The following RASGEF1C variants were observed in gnomAD, a reference collection of about 807,000 sequenced individuals.
RASGEF1C encodes ras-GEF domain-containing family member 1C.
A neutral mutation model predicts 58.1 loss-of-function variants in RASGEF1C; 27 were observed. That is an observed-to-expected ratio of 0.46 (90% CI 0.34 to 0.64). The LOEUF (loss-of-function observed/expected upper bound fraction) is 0.64, where lower values mean the gene tolerates loss of function less well. Ranked by LOEUF, RASGEF1C falls within the 30% of genes least tolerant of loss-of-function variation. RASGEF1C has a pLI of 0.01. For synonymous variants in RASGEF1C, 243 were observed against 246.3 expected (o/e 0.99, Z 0.13); for missense variants, 502 against 605.1 (o/e 0.83, Z 1.79).
rs578247912 is a variant in RASGEF1C, at chr5:180,142,112, GC to G, written c.-6-4055del. On this transcript the variant is annotated intron_variant, in intron 1 of 13. Transcript: ENST00000361132. ...GGAGTCTTGGGGGCTGCATAGATGG[GC>G]TGTCAGCATGAGGGGCTCAGCATGG... Among the ~76,000 whole-genome samples the G allele has an allele frequency of 2.3e-3, 345 of 152,256 alleles. 3 individuals are homozygous for G. The highest frequency in any genetic ancestry group is 7.9e-3 in the African/African-American group (328 of 41,546).
intron 1 of RASGEF1C, among the ~76,000 whole-genome samples, chr5:180,191,612 T>C (rs1025507160): frequency 6.6e-6 from 1 of 152,156 alleles, no homozygotes; most frequent in African/African-American, 2.4e-5. Flanking sequence ...CGCCTCAGCC[T>C]CCCAAAGTGC....
At chr5:180,128,703 G>T in intron 4 of RASGEF1C, 93 bp from the exon 5 acceptor site, 1 of 1,278,784 alleles carries the variant, frequency 7.8e-7, no homozygotes, top group Middle Eastern at 1.9e-4. Context: ...CCAAAGGGAG[G>T]GTCTTTTCCT....
intron 4 of RASGEF1C, chr5:180,135,204 G>A (rs1176922568): frequency 6.6e-6 from 1 of 152,208 alleles, no homozygotes; most frequent in Admixed American, 6.6e-5. Flanking sequence ...GGAGGAAGAG[G>A]AAACCACTCT....
chr5:180,169,791 C>T (rs1047290528), intron 1 of RASGEF1C, among the ~76,000 whole-genome samples: 3 of 125,258 alleles, frequency 2.4e-5, no homozygotes, highest in Non-Finnish European at 5.8e-5. Context: ...ACCCACCCCC[C>T]GACCCCATGG....
chr5:180,113,382 G>C (rs1245050330), intron 11 of RASGEF1C, among the ~76,000 whole-genome samples: 2 of 53,528 alleles, frequency 3.7e-5, no homozygotes, highest in African/African-American at 7.5e-5. Flanking sequence ...CGGAGGGACC[G>C]GGGATGGACG....
chr5:180,193,602 A>G (rs1756208045), intron 1 of RASGEF1C, among the ~76,000 whole-genome samples: 1 of 152,210 alleles, frequency 6.6e-6, no homozygotes, highest in African/African-American at 2.4e-5. Flanking sequence ...AAGACCAAAA[A>G]ACAAATAAAA....
chr5:180,136,527 C>T lies in RASGEF1C; in HGVS notation c.301-12G>A, dbSNP rs1189457362. ...TTCCGGACCCGGGCCTACGGGCAAG[C>T]GAGGGGCACCGCGCTCGTGAGGGGC... On this transcript the variant is annotated splice_polypyrimidine_tract_variant and intron_variant, in intron 3 of 13. Transcript: ENST00000361132. 2.5e-5 allele frequency: 39 copies of T among 1,568,512 alleles called. No individual in the cohort carries two copies. The highest frequency in any genetic ancestry group is 3.4e-5 in the Non-Finnish European group (39 of 1,156,264).
At chr5:180,187,594 T>C (rs777027688) in intron 1 of RASGEF1C, among the ~76,000 whole-genome samples, 5 of 152,226 alleles carry the variant, frequency 3.3e-5, no homozygotes, top group Non-Finnish European at 7.3e-5. Flanking sequence ...CACAAATTTA[T>C]ACACCTGTAA....
intron 8 of RASGEF1C, 76 bp downstream of exon 8, chr5:180,119,270 C>A (rs1198944970): frequency 2.4e-6 from 3 of 1,256,338 alleles, no homozygotes; most frequent in African/African-American, 1.5e-5. Context: ...TTGCACTCTG[C>A]CTGCCTGGCT....
intron 12 of RASGEF1C, among the ~76,000 whole-genome samples, chr5:180,103,942 TTTC>T (rs1472815066): frequency 6.6e-6 from 1 of 152,204 alleles, no homozygotes; most frequent in African/African-American, 2.4e-5. Context: ...TCATGTGTCT[TTTC>T]TTCTTTAGCT....
At chr5:180,178,538 C>G (rs1035189686) in intron 1 of RASGEF1C, among the ~76,000 whole-genome samples, 4 of 152,188 alleles carry the variant, frequency 2.6e-5, no homozygotes, top group East Asian at 1.9e-4. Flanking sequence ...CCTCAGCCCC[C>G]CAAAGTGCTG....
intron 12 of RASGEF1C, among the ~76,000 whole-genome samples, chr5:180,108,239 T>C (rs1765901788): frequency 6.6e-6 from 1 of 150,462 alleles, no homozygotes; most frequent in Non-Finnish European, 1.5e-5. Context: ...TCTCACTCCA[T>C]GGCCTAGGCT....
intron 1 of RASGEF1C, among the ~76,000 whole-genome samples, chr5:180,182,204 CAAAAAAAAAA>C (rs1156831010): frequency 1.3e-4 from 3 of 22,770 alleles, no homozygotes; most frequent in East Asian, 4.3e-3. Flanking sequence ...GACTCCGTCT[CAAAAAAAAAA>C]AAAAAAAAAA....
intron 1 of RASGEF1C, among the ~76,000 whole-genome samples, chr5:180,161,005 G>A (rs1399303569): frequency 2.0e-5 from 3 of 152,230 alleles, no homozygotes; most frequent in African/African-American, 4.8e-5. Context: ...CCTGGAAGTT[G>A]TGGGTGCAAA....
At chr5:180,119,943 T>C (rs1766139639) in intron 7 of RASGEF1C, among the ~76,000 whole-genome samples, 1 of 152,060 alleles carries the variant, frequency 6.6e-6, no homozygotes, top group South Asian at 2.1e-4. Context: ...TTCAGACCCC[T>C]GTGATGCGCA....
intron 6 of RASGEF1C, among the ~76,000 whole-genome samples, chr5:180,125,999 A>G (rs930081719): frequency 1.3e-5 from 2 of 152,202 alleles, no homozygotes; most frequent in African/African-American, 2.4e-5. Context: ...AAAAAGCTGG[A>G]CACACAAATG....
chr5:180,146,036 A>T (rs1262916699), intron 1 of RASGEF1C, among the ~76,000 whole-genome samples: 3 of 152,188 alleles, frequency 2.0e-5, no homozygotes, highest in Admixed American at 6.5e-5. Context: ...TGAGGCACAA[A>T]TGTTTTCCAT....
chr5:180,155,393 C>T lies in RASGEF1C; in HGVS notation c.-6-17335G>A, dbSNP rs575441138. ...GACGCTGTGGGGGAACTGCAGCCTC[C>T]CTAGGCCGAGCCCAGATCTGCTTGC... On this transcript the variant is annotated intron_variant, in intron 1 of 13. Coordinates refer to ENST00000361132, the MANE Select transcript of RASGEF1C (RefSeq NM_175062.4). The surrounding 1 kb of genome is among the most constrained non-coding windows in gnomAD (Gnocchi z 5.2). 7.2e-5 allele frequency among the ~76,000 whole-genome samples: 11 copies of T among 152,170 alleles called. No individual in the cohort carries two copies. Among genetic ancestry groups the T allele is most frequent in the African/African-American group, 2.4e-4 (10 of 41,444 alleles).
chr5:180,136,318 C>A, intron 4 of RASGEF1C, 60 bp downstream of exon 4: 1 of 1,499,684 alleles, frequency 6.7e-7, no homozygotes, highest in Non-Finnish European at 9.0e-7. Context: ...GGGCCGGGAA[C>A]AGGCGCAGGC....
Sources: gnomAD v4.1 joint callset for allele counts (sites outside exome capture counted in the v4.1 genomes callset) on GRCh38, gnomAD v4.1.1 for gene constraint, Gnocchi (gnomAD v3.1) non-coding constraint, MANE v1.5 for transcripts, NCBI Gene and HGNC (gene_info 2026-07-23, HGNC 2026-07-21) for gene names.